The following HDAC4 variants were observed in gnomAD, a reference collection of about 807,000 sequenced individuals.
HDAC4 encodes histone deacetylase A.
Under a neutral mutation model 135.1 loss-of-function variants are expected in HDAC4, and 16 were observed. That is an observed-to-expected ratio of 0.12 (90% CI 0.08 to 0.18). HDAC4 has a LOEUF of 0.18. Among genes scored for constraint, HDAC4 ranks in the 10% least tolerant of loss-of-function variants. The pLI is 1.00. For missense variants in HDAC4, 1,143 were observed against 1,511.8 expected, an observed-to-expected ratio of 0.76 and a Z score of 4.05; for synonymous variants, 685 against 653.4, an observed-to-expected ratio of 1.05 and a Z score of -0.74.
chr2:239,291,725 A>C (rs1442980305), intron 2 of HDAC4, among the ~76,000 whole-genome samples: 2 of 152,222 alleles, frequency 1.3e-5, no homozygotes, highest in East Asian at 3.9e-4. Context: ...GGGGAAGGGC[A>C]ATATCTATGT....
chr2:239,159,782 C>CT (rs1282201840), intron 6 of HDAC4, among the ~76,000 whole-genome samples: 2 of 152,242 alleles, frequency 1.3e-5, no homozygotes, highest in African/African-American at 4.8e-5. Flanking sequence ...TCTACCTCAC[C>CT]TGACCATAAA....
chr2:239,168,563 TA>T (rs1301288705), intron 5 of HDAC4, among the ~76,000 whole-genome samples: 1 of 152,038 alleles, frequency 6.6e-6, no homozygotes, highest in African/African-American at 2.4e-5. Flanking sequence ...GAAATTCACT[TA>T]AAAAAAACCC....
chr2:239,302,820 G>A (rs1458105523), intron 2 of HDAC4, among the ~76,000 whole-genome samples: 1 of 152,254 alleles, frequency 6.6e-6, no homozygotes, highest in Non-Finnish European at 1.5e-5. Flanking sequence ...AGAAGGGCAG[G>A]TCATCTTACT....
rs113034729 is a variant in HDAC4 at position 239,167,005 on chromosome 2, T to G, written c.491-3082A>C. 3.2e-3 allele frequency among the ~76,000 whole-genome samples: 493 copies of G among 152,246 alleles called. 1 individual carries two copies. Among genetic ancestry groups the G allele is most frequent in the East Asian group, 0.016 (81 of 5,170 alleles). ...TAGTCCAACCGCAAAATGATGCTGGTGACAGCGACAGTGAGGATGAGGACC... is the reference window on the plus strand; with the variant it reads ...TAGTCCAACCGCAAAATGATGCTGGGGACAGCGACAGTGAGGATGAGGACC... On this transcript the variant is annotated intron_variant, in intron 5 of 26. Coordinates refer to ENST00000543185, the MANE Select transcript of HDAC4 (RefSeq NM_001378414.1). This position sits in a 1 kb window ranked among gnomAD's most constrained non-coding sequence, Gnocchi z 4.1.
chr2:239,107,218 T>G (rs1313189013), intron 15 of HDAC4, among the ~76,000 whole-genome samples: 1 of 152,202 alleles, frequency 6.6e-6, no homozygotes, highest in Non-Finnish European at 1.5e-5. Flanking sequence ...CTCACCAAAG[T>G]GCGGCCCCCG....
At chr2:239,294,758 T>G (rs1008280283) in intron 2 of HDAC4, among the ~76,000 whole-genome samples, 30 of 151,962 alleles carry the variant, frequency 2.0e-4, no homozygotes, top group Non-Finnish European at 4.4e-5. Context: ...GGCCAGGAGC[T>G]CAGCGTCTCA....
chr2:239,372,054 A>G (rs1209980892), intron 1 of HDAC4, among the ~76,000 whole-genome samples: 1 of 152,184 alleles, frequency 6.6e-6, no homozygotes, highest in East Asian at 1.9e-4. Context: ...GGCATCCTCA[A>G]GGCCCCAGAC....
intron 15 of HDAC4, among the ~76,000 whole-genome samples, chr2:239,105,748 C>T (rs2038069725): frequency 6.6e-6 from 1 of 152,186 alleles, no homozygotes; most frequent in South Asian, 2.1e-4. Flanking sequence ...CTGGGGAAGT[C>T]ACAGCCCCAT....
intron 2 of HDAC4, among the ~76,000 whole-genome samples, chr2:239,301,633 AC>A (rs1252322391): frequency 6.6e-6 from 1 of 151,894 alleles, no homozygotes; most frequent in Non-Finnish European, 1.5e-5. Context: ...GACGCATACC[AC>A]CATGCCCAGC....
chr2:239,186,269 T>C (rs1464730640), intron 4 of HDAC4, among the ~76,000 whole-genome samples: 1 of 152,200 alleles, frequency 6.6e-6, no homozygotes, highest in African/African-American at 2.4e-5. Flanking sequence ...ATGACTCCCT[T>C]TTCAATTATA....
intron 3 of HDAC4, among the ~76,000 whole-genome samples, chr2:239,224,450 G>A (rs755342357): frequency 6.6e-6 from 1 of 152,102 alleles, no homozygotes. Flanking sequence ...TGATTAACCC[G>A]GCCTTTTATG....
At chr2:239,096,008 G>A (rs1182239770) in intron 16 of HDAC4, among the ~76,000 whole-genome samples, 2 of 152,102 alleles carry the variant, frequency 1.3e-5, no homozygotes, top group Admixed American at 1.3e-4. Flanking sequence ...GCCTCAGCTG[G>A]GCTGTACCCC....
At chr2:239,112,979 C>A (rs2038807727) in intron 13 of HDAC4, among the ~76,000 whole-genome samples, 2 of 152,216 alleles carry the variant, frequency 1.3e-5, no homozygotes, top group Admixed American at 6.5e-5. Context: ...AATCCCAGCA[C>A]TTGGGGAGGC....
intron 3 of HDAC4, among the ~76,000 whole-genome samples, chr2:239,200,766 C>T (rs368343360): frequency 4.7e-4 from 72 of 151,838 alleles, no homozygotes; most frequent in African/African-American, 1.6e-3. Flanking sequence ...GGGAGAGAGA[C>T]GCGTCACAGG....
At chr2:239,249,093 G>C (rs2048631999) in intron 2 of HDAC4, among the ~76,000 whole-genome samples, 2 of 152,242 alleles carry the variant, frequency 1.3e-5, no homozygotes, top group African/African-American at 4.8e-5. Context: ...AGAGGGCCCT[G>C]TGAGGTGGTG....
At chr2:239,120,108 C>G (rs1010290423) in intron 12 of HDAC4, among the ~76,000 whole-genome samples, 4 of 152,210 alleles carry the variant, frequency 2.6e-5, no homozygotes, top group Admixed American at 6.5e-5. Flanking sequence ...TAGAGGGCAG[C>G]TCAGAGAGGC....
At chr2:239,108,381 G>A (rs1379123394) in intron 14 of HDAC4, among the ~76,000 whole-genome samples, 198 bp from the exon 15 acceptor site, 4 of 152,214 alleles carry the variant, frequency 2.6e-5, no homozygotes, top group Admixed American at 2.6e-4. Context: ...CGAATGCAGA[G>A]GCCAGGCGGG....
chr2:239,070,806 A>G (rs2034111567), intron 22 of HDAC4, among the ~76,000 whole-genome samples: 1 of 152,070 alleles, frequency 6.6e-6, no homozygotes, highest in South Asian at 2.1e-4. Context: ...AAAAATATAA[A>G]CTTTATTTCT....
At chr2:239,288,913 A>G (rs2051298696) in intron 2 of HDAC4, among the ~76,000 whole-genome samples, 1 of 152,228 alleles carries the variant, frequency 6.6e-6, no homozygotes, top group South Asian at 2.1e-4. Context: ...GTTTCAGGCT[A>G]GGCTTTTTAA....
Sources: allele counts gnomAD v4.1 joint callset (sites outside exome capture counted in the v4.1 genomes callset), GRCh38; gene constraint gnomAD v4.1.1; non-coding constraint Gnocchi (gnomAD v3.1); transcripts MANE v1.5; gene names NCBI Gene and HGNC (gene_info 2026-07-23, HGNC 2026-07-21).